The following EHBP1 variants were observed in gnomAD, a reference collection of about 807,000 sequenced individuals.
EHBP1 encodes the protein EH domain binding protein 1, also known as EH domain-binding protein 1.
Under a neutral mutation model 144.0 loss-of-function variants are expected in EHBP1, and 55 were observed. The ratio of observed to expected loss-of-function variants is 0.38; its 90% CI spans 0.31 to 0.48. The LOEUF (loss-of-function observed/expected upper bound fraction) is 0.48, where lower values mean the gene tolerates loss of function less well. EHBP1 is among the 20% of genes least tolerant of loss of function. EHBP1 has a pLI of 0.98. For synonymous variants in EHBP1, 469 were observed against 472.7 expected, an observed-to-expected ratio of 0.99 and a Z score of 0.10; for missense variants, 1,200 against 1,364.2, an observed-to-expected ratio of 0.88 and a Z score of 1.90.
intron 5 of EHBP1, among the ~76,000 whole-genome samples, chr2:62,794,642 A>G (rs1026919767): frequency 6.6e-6 from 1 of 151,978 alleles, no homozygotes; most frequent in African/African-American, 2.4e-5. Flanking sequence ...AAAAGTCTCT[A>G]TATTTAAAAA....
intron 3 of EHBP1, among the ~76,000 whole-genome samples, chr2:62,757,426 CTTTTTTTT>C (rs555494268): frequency 3.5e-5 from 4 of 113,036 alleles, no homozygotes; most frequent in African/African-American, 1.4e-4. Context: ...TTTTTTTTTT[CTTTTTTTT>C]TTTTTTTTTT....
chr2:62,748,217 C>T (rs1312383841), intron 3 of EHBP1, among the ~76,000 whole-genome samples: 6 of 152,036 alleles, frequency 3.9e-5, no homozygotes, highest in Admixed American at 2.0e-4. Context: ...TAAGAAGTTA[C>T]GAGTTATCTG....
chr2:62,923,581 C>T (rs903646075), intron 10 of EHBP1, among the ~76,000 whole-genome samples: 2 of 152,164 alleles, frequency 1.3e-5, no homozygotes, highest in Admixed American at 1.3e-4. Context: ...CACCCATGCC[C>T]CAGGAGTGAG....
intron 5 of EHBP1, among the ~76,000 whole-genome samples, chr2:62,789,530 G>A (rs1416265972): frequency 6.6e-6 from 1 of 152,036 alleles, no homozygotes. Flanking sequence ...TGCCTCAAAC[G>A]TGCACAACCT....
chr2:63,034,917 A>C (rs758631263), intron 19 of EHBP1, among the ~76,000 whole-genome samples: 7 of 152,100 alleles, frequency 4.6e-5, no homozygotes, highest in Non-Finnish European at 8.8e-5. Flanking sequence ...GTCTAAGCTG[A>C]GGAAGTTGCA....
intron 1 of EHBP1, among the ~76,000 whole-genome samples, chr2:62,692,964 T>C (rs1026934623): frequency 1.3e-5 from 2 of 152,200 alleles, no homozygotes; most frequent in South Asian, 2.1e-4. Context: ...CTTATTCATT[T>C]TGACTATATT....
intron 10 of EHBP1, among the ~76,000 whole-genome samples, chr2:62,940,998 T>C (rs563464413): frequency 1.1e-4 from 16 of 152,300 alleles, no homozygotes; most frequent in Admixed American, 7.2e-4. Flanking sequence ...GATAATTGAA[T>C]CGATGTAATG....
intron 14 of EHBP1, among the ~76,000 whole-genome samples, chr2:62,964,036 G>C (rs186272995): frequency 1.3e-5 from 2 of 152,024 alleles, no homozygotes; most frequent in African/African-American, 2.4e-5. Context: ...TTTTTATTCC[G>C]TATTATTTTA....
chr2:63,036,995 A>G (rs1574573574), intron 19 of EHBP1, among the ~76,000 whole-genome samples: 1 of 151,570 alleles, frequency 6.6e-6, no homozygotes, highest in African/African-American at 2.4e-5. Flanking sequence ...TTTACAGTGT[A>G]TTTAGTAATT....
At chr2:62,713,635 C>T (rs2035377674) in intron 2 of EHBP1, among the ~76,000 whole-genome samples, 1 of 152,106 alleles carries the variant, frequency 6.6e-6, no homozygotes, top group Admixed American at 6.5e-5. Flanking sequence ...AGGTATTGTT[C>T]CCTAGTTTCT....
intron 19 of EHBP1, among the ~76,000 whole-genome samples, chr2:63,005,682 T>C (rs1046609753): frequency 4.6e-5 from 7 of 152,100 alleles, no homozygotes; most frequent in African/African-American, 1.4e-4. Flanking sequence ...ATTAGATGTG[T>C]GGCCAATATT....
chr2:62,716,044 C>G (rs1430002822), intron 2 of EHBP1, among the ~76,000 whole-genome samples: 2 of 152,144 alleles, frequency 1.3e-5, no homozygotes, highest in East Asian at 1.9e-4. Context: ...TCTCTTACTC[C>G]TACTCTTTCA....
upstream of EHBP1, among the ~76,000 whole-genome samples, chr2:62,703,294 G>A (rs979562305): frequency 2.6e-5 from 4 of 152,066 alleles, no homozygotes; most frequent in Admixed American, 6.6e-5. Flanking sequence ...TTGAGCCTGG[G>A]AGGGTGAGGC....
rs1365311231 is a variant in EHBP1 at position 62,902,937 on chromosome 2, T to C, written c.1185+28405T>C. On this transcript the variant is annotated intron_variant, in intron 10 of 22. Transcript: ENST00000431489. ...ACAACTAAATCTTATCTTTAGTGTC[T>C]ATTCCATGCTAAATGTGCATTCTGG... 3.3e-5 allele frequency among the ~76,000 whole-genome samples: 5 copies of C among 152,238 alleles called. 1 individual carries two copies. Among genetic ancestry groups the C allele is most frequent in the Non-Finnish European group, 7.3e-5 (5 of 68,038 alleles).
chr2:62,831,194 T>G, intron 7 of EHBP1, 36 bp downstream of exon 7: 1 of 1,556,484 alleles, frequency 6.4e-7, no homozygotes, highest in Non-Finnish European at 8.6e-7. Context: ...AAGTTTATCT[T>G]TTGTTGCAGA....
At chr2:62,994,125 T>C (rs972391680) in intron 18 of EHBP1, 148 bp downstream of exon 18, 2 of 498,696 alleles carry the variant, frequency 4.0e-6, no homozygotes, top group East Asian at 3.2e-5. Context: ...GGGTGCACTG[T>C]TGAATTAGTC....
chr2:62,807,471 C>T (rs2044608957), intron 5 of EHBP1, among the ~76,000 whole-genome samples: 1 of 152,134 alleles, frequency 6.6e-6, no homozygotes, highest in African/African-American at 2.4e-5. Context: ...TCACTTGAAC[C>T]CAGGAGGCGG....
At chr2:62,977,050 C>T (rs2058747927) in intron 14 of EHBP1, among the ~76,000 whole-genome samples, 1 of 151,754 alleles carries the variant, frequency 6.6e-6, no homozygotes, top group Admixed American at 6.6e-5. Context: ...CTACAGTTTC[C>T]TTGGACTCTT....
At chr2:62,808,214 GTTCC>G (rs1160861132) in intron 5 of EHBP1, among the ~76,000 whole-genome samples, 1 of 139,790 alleles carries the variant, frequency 7.2e-6, no homozygotes, top group Non-Finnish European at 1.6e-5. Context: ...TATTTCTTCT[GTTCC>G]TTTTTTTTTT....
Sources: gnomAD v4.1 joint callset for allele counts (sites outside exome capture counted in the v4.1 genomes callset) on GRCh38, gnomAD v4.1.1 for gene constraint, MANE v1.5 for transcripts, NCBI Gene and HGNC (gene_info 2026-07-23, HGNC 2026-07-21) for gene names.